FRMPD3: variants seen among roughly 807,000 people sequenced by gnomAD.
FRMPD3 encodes FERM and PDZ domain-containing protein 3.
A neutral mutation model predicts 97.9 loss-of-function variants in FRMPD3; 42 were observed. The observed-to-expected ratio is 0.43, with a 90% CI of 0.34 to 0.55. FRMPD3 has a LOEUF of 0.55. Among genes scored for constraint, FRMPD3 ranks in the 20% least tolerant of loss-of-function variants. The pLI is 0.03. For missense variants in FRMPD3, 1,303 were observed against 1,457.7 expected (o/e 0.89, Z 1.73); for synonymous variants, 577 against 581.1 (o/e 0.99, Z 0.10).
rs1924681168 is a variant in FRMPD3, at chrX:107,603,779, C to T, written c.*406C>T. 1 of 134,781 alleles carries T rather than the reference C, an allele frequency of 7.4e-6. No homozygotes were observed. The highest frequency in any genetic ancestry group is 2.7e-4 in the South Asian group (1 of 3,732). 11.1% of individuals were successfully genotyped at this position (134,781 alleles called of 1,213,427 possible). On this transcript the variant is annotated 3_prime_UTR_variant, in exon 15 of 15. Coordinates refer to ENST00000683843, the MANE Select transcript of FRMPD3 (RefSeq NM_001388459.1). ...TTTGAGCTCCTCGTGGCATCGGCTC[C>T]CCTGCTGGGAGCAGTGGCAGTAGCA...
chrX:107,491,882 T>G (rs926621128), intron 1 of FRMPD3, among the ~76,000 whole-genome samples: 4 of 110,013 alleles, frequency 3.6e-5, no homozygotes, highest in Non-Finnish European at 5.7e-5. Context: ...AGATGACTCT[T>G]CCCTTCGTGG....
chrX:107,480,502 G>A (rs1353511116), intron 1 of FRMPD3, among the ~76,000 whole-genome samples: 2 of 110,727 alleles, frequency 1.8e-5, no homozygotes. Flanking sequence ...CCATGGTGGT[G>A]ATTGTGGTTT....
intron 1 of FRMPD3, among the ~76,000 whole-genome samples, chrX:107,461,352 A>G (rs1931468406): frequency 9.0e-6 from 1 of 110,875 alleles, no homozygotes; most frequent in Non-Finnish European, 1.9e-5. Context: ...TCTATCAATG[A>G]CACCATCACT....
At position 107,514,529 on chromosome X, in the gene FRMPD3, C is replaced by CTT. The variant is rs753016000; in HGVS notation, c.-7-12038_-7-12037dup. Among the ~76,000 whole-genome samples the CTT allele has an allele frequency of 2.7e-3, 253 of 95,464 alleles. 2 individuals are homozygous for CTT. Among genetic ancestry groups the CTT allele is most frequent in the African/African-American group, 8.8e-3 (230 of 26,131 alleles). 82.9% of individuals were successfully genotyped at this position (95,464 alleles called of 115,157 possible). ...GCTTTCTTTTTTCCTTTTCCTTTTC[C>CTT]TTTTTTTTTTTTTTTTGACAGAATC... On this transcript the variant is annotated intron_variant, in intron 1 of 14. Coordinates refer to ENST00000683843, the MANE Select transcript of FRMPD3 (RefSeq NM_001388459.1).
At position 107,533,548 on chromosome X, in the gene FRMPD3, C is replaced by A; in HGVS notation, c.295C>A (p.Gln99Lys). Reference sequence around the variant, plus strand: ...CGTTCTTACAGTTCTGCACACTCATCAGGTGAGTGAGCCTCTTTGCCATCT... The same window carrying A: ...CGTTCTTACAGTTCTGCACACTCATAAGGTGAGTGAGCCTCTTTGCCATCT... ...FIVLTVLHTH[Q>K]SPKSAFISAA... The change falls in exon 4 of 15, where the codon CAG (glutamine) becomes AAG (lysine). Residue 99 changes from glutamine to lysine, a missense_variant and splice_region_variant. Physicochemically the swap from Gln to Lys is moderately conservative, Grantham distance 53. Around this residue, in one of 3 missense-constraint regions of FRMPD3, gnomAD observed 535 missense variants for 618.6 expected, o/e 0.86. Coordinates refer to ENST00000683843, the MANE Select transcript of FRMPD3 (RefSeq NM_001388459.1). 1 of 1,204,470 alleles carries A rather than the reference C, an allele frequency of 8.3e-7. No individual in the cohort carries two copies. The highest frequency in any genetic ancestry group is 1.8e-5 in the South Asian group (1 of 56,027).
chrX:107,559,816 G>A (rs780680267), intron 8 of FRMPD3, among the ~76,000 whole-genome samples: 1 of 110,902 alleles, frequency 9.0e-6, no homozygotes. Context: ...TGGGCTTCTG[G>A]GCCAGGGCCC....
intron 1 of FRMPD3, among the ~76,000 whole-genome samples, chrX:107,470,937 T>G (rs181533362): frequency 8.9e-5 from 10 of 112,180 alleles, no homozygotes; most frequent in Non-Finnish European, 1.9e-4. Flanking sequence ...GCTGAAGTCC[T>G]GGGACCCTCC....
chrX:107,519,504 A>G (rs1016985000), intron 1 of FRMPD3, among the ~76,000 whole-genome samples: 2 of 111,604 alleles, frequency 1.8e-5, no homozygotes, highest in East Asian at 5.6e-4. Flanking sequence ...AATCAATCGA[A>G]TCAATCAATA....
intron 1 of FRMPD3, among the ~76,000 whole-genome samples, chrX:107,501,258 A>G (rs1316454503): frequency 9.3e-6 from 1 of 107,195 alleles, no homozygotes; most frequent in Non-Finnish European, 1.9e-5. Context: ...AGCTAGGGCC[A>G]TAGTTCACAT....
chrX:107,459,545 A>G (rs1479942442), intron 1 of FRMPD3, among the ~76,000 whole-genome samples: 2 of 112,336 alleles, frequency 1.8e-5, no homozygotes, highest in African/African-American at 6.5e-5. Flanking sequence ...CAATCCACTG[A>G]ATATCAGCCC....
At chrX:107,533,926 A>G (rs947536029) in intron 4 of FRMPD3, among the ~76,000 whole-genome samples, 1 of 112,419 alleles carries the variant, frequency 8.9e-6, no homozygotes, top group African/African-American at 3.2e-5. Context: ...ATTCATTCAT[A>G]TAAGTTACCT....
rs186489825 is a variant in FRMPD3 at position 107,591,881 on chromosome X, A to G, written c.1442-5440A>G. Among the ~76,000 whole-genome samples the G allele has an allele frequency of 3.4e-4, 38 of 111,966 alleles. No homozygotes were observed. In the East Asian group the frequency reaches 0.01, roughly 31 times the overall value. On this transcript the variant is annotated intron_variant, in intron 13 of 14. Coordinates refer to ENST00000683843, the MANE Select transcript of FRMPD3 (RefSeq NM_001388459.1). Reference sequence around the variant, plus strand: ...GAATGGGGTATTCATCCTCTCAAGCATTTATCCTTTCTTTGTGTTACAAAC... The same window carrying G: ...GAATGGGGTATTCATCCTCTCAAGCGTTTATCCTTTCTTTGTGTTACAAAC...
intron 12 of FRMPD3, among the ~76,000 whole-genome samples, chrX:107,572,836 G>C (rs1428294577): frequency 9.2e-6 from 1 of 109,196 alleles, no homozygotes; most frequent in African/African-American, 3.4e-5. Flanking sequence ...CTTGAGGCCA[G>C]GAGTTTGAGA....
At chrX:107,526,233 G>C (rs1922691556) in intron 1 of FRMPD3, among the ~76,000 whole-genome samples, 1 of 111,927 alleles carries the variant, frequency 8.9e-6, no homozygotes, top group Admixed American at 9.4e-5. Context: ...GGAGTTAATA[G>C]CTAAGTCAGT....
At chrX:107,488,144 C>T (rs1321428914) in intron 1 of FRMPD3, among the ~76,000 whole-genome samples, 1 of 111,801 alleles carries the variant, frequency 8.9e-6, no homozygotes, top group Non-Finnish European at 1.9e-5. Context: ...TCCTGCCTAC[C>T]CATGCTGTCA....
chrX:107,480,307 A>G, intron 1 of FRMPD3, among the ~76,000 whole-genome samples: 1 of 111,480 alleles, frequency 9.0e-6, no homozygotes, highest in African/African-American at 3.3e-5. Context: ...TTGTTGATCC[A>G]TTGATAGGTA....
chrX:107,582,035 G>A (rs1923413804), intron 13 of FRMPD3, among the ~76,000 whole-genome samples: 2 of 111,657 alleles, frequency 1.8e-5, no homozygotes, highest in Non-Finnish European at 1.9e-5. Context: ...ACCTAGGAAT[G>A]GAATTACTGG....
intron 4 of FRMPD3, among the ~76,000 whole-genome samples, chrX:107,538,657 T>C (rs931133772): frequency 1.2e-4 from 13 of 110,143 alleles, no homozygotes; most frequent in Admixed American, 4.9e-4. Context: ...CTACATACTG[T>C]GGCTGGTAAT....
chrX:107,466,071 C>T (rs1217409253), intron 1 of FRMPD3, among the ~76,000 whole-genome samples: 2 of 112,252 alleles, frequency 1.8e-5, no homozygotes, highest in African/African-American at 6.5e-5. Flanking sequence ...CCTTCTTTTC[C>T]TCCTCAAATA....
Sources: gnomAD v4.1 joint callset for allele counts (sites outside exome capture counted in the v4.1 genomes callset) on GRCh38, gnomAD v4.1.1 for gene constraint, gnomAD v4.1.1 regional missense constraint, MANE v1.5 for transcripts, NCBI Gene and HGNC (gene_info 2026-07-23, HGNC 2026-07-21) for gene names.